Variants in C10orf67 observed in about 807,000 individuals in gnomAD.
C10orf67 encodes chromosome 10 open reading frame 67, also known as uncharacterized protein C10orf67, mitochondrial.
Under a neutral mutation model 35.6 loss-of-function variants are expected in C10orf67, and 60 were observed. That is an observed-to-expected ratio of 1.68 (90% CI 1.37 to 2.09). The LOEUF (loss-of-function observed/expected upper bound fraction) is 2.09. Among genes scored for constraint, C10orf67 ranks in the 30% most tolerant of loss-of-function variants. The pLI, the probability that C10orf67 is intolerant of heterozygous loss-of-function variation, is 0.00. For synonymous variants in C10orf67, 167 were observed against 115.8 expected (o/e 1.44, Z -2.84); for missense variants, 474 against 330.2 (o/e 1.44, Z -3.38).
chr10:23,240,121 G>A (rs972499861), intron 12 of C10orf67, among the ~76,000 whole-genome samples: 3 of 152,042 alleles, frequency 2.0e-5, no homozygotes, highest in African/African-American at 7.3e-5. Flanking sequence ...AGTCTGGGAG[G>A]TCAAGGCTGC....
chr10:23,301,603 C>T (rs1462957336), intron 5 of C10orf67, among the ~76,000 whole-genome samples: 2 of 152,184 alleles, frequency 1.3e-5, no homozygotes, highest in African/African-American at 4.8e-5. Flanking sequence ...AGGCCACTTC[C>T]AAGATGGTGG....
At chr10:23,287,722 C>T (rs911912910) in intron 7 of C10orf67, among the ~76,000 whole-genome samples, 1 of 152,176 alleles carries the variant, frequency 6.6e-6, no homozygotes, top group South Asian at 2.1e-4. Context: ...ATCTACCCAT[C>T]TGACAAAGGT....
chr10:23,236,180 C>T (rs1389184691), intron 13 of C10orf67, among the ~76,000 whole-genome samples: 2 of 140,728 alleles, frequency 1.4e-5, no homozygotes, highest in African/African-American at 2.7e-5. Flanking sequence ...ACCCGGGAGG[C>T]GGAGCTTGCA....
At chr10:23,206,422 A>G (rs892831846) in intron 15 of C10orf67, among the ~76,000 whole-genome samples, 9 of 152,314 alleles carry the variant, frequency 5.9e-5, no homozygotes, top group Non-Finnish European at 1.3e-4. Context: ...GTCCATTTGT[A>G]TGTATATATA....
chr10:23,330,994 G>A (rs1845424683), intron 2 of C10orf67, among the ~76,000 whole-genome samples: 1 of 144,628 alleles, frequency 6.9e-6, no homozygotes, highest in Non-Finnish European at 1.5e-5. Context: ...TGGTAAGGGA[G>A]GGAAGGGGAA....
intron 13 of C10orf67, among the ~76,000 whole-genome samples, chr10:23,236,817 C>T (rs1192351234): frequency 6.6e-6 from 1 of 152,164 alleles, no homozygotes; most frequent in African/African-American, 2.4e-5. Context: ...GTGGAGGTTG[C>T]AGTGAGCCAA....
chr10:23,240,476 T>C (rs1842154008), intron 12 of C10orf67, among the ~76,000 whole-genome samples: 1 of 152,230 alleles, frequency 6.6e-6, no homozygotes, highest in South Asian at 2.1e-4. Context: ...TTGAAAGAGT[T>C]CCTGTTGACT....
chr10:23,257,001 G>A (rs745611743), intron 10 of C10orf67, among the ~76,000 whole-genome samples: 2 of 152,184 alleles, frequency 1.3e-5, no homozygotes, highest in Non-Finnish European at 1.5e-5. Context: ...CAACTGCTGG[G>A]ATGGGCAGCA....
intron 15 of C10orf67, 51 bp downstream of exon 15, chr10:23,223,547 C>T (rs895098073): frequency 1.9e-4 from 133 of 716,080 alleles, no homozygotes; most frequent in Admixed American, 1.2e-4. Flanking sequence ...TTAATCTAGA[C>T]TAAGTAGCCA....
chr10:23,281,940 GT>G, intron 8 of C10orf67, 72 bp downstream of exon 8: 1 of 516,342 alleles, frequency 1.9e-6, no homozygotes, highest in Non-Finnish European at 3.5e-6. Context: ...CACAAATAAA[GT>G]TTATAAAACT....
chr10:23,229,194 T>A (rs374189169), intron 13 of C10orf67, among the ~76,000 whole-genome samples: 3 of 151,938 alleles, frequency 2.0e-5, no homozygotes, highest in African/African-American at 2.4e-5. Context: ...CAAATGTCCA[T>A]CAATGATAGA....
chr10:23,284,906 C>T (rs1843487700), intron 7 of C10orf67, among the ~76,000 whole-genome samples: 2 of 152,192 alleles, frequency 1.3e-5, no homozygotes, highest in East Asian at 1.9e-4. Context: ...TAGACTTCAC[C>T]TGTCTCCAGA....
intron 2 of C10orf67, among the ~76,000 whole-genome samples, chr10:23,329,475 G>T (rs1226657175): frequency 6.6e-6 from 1 of 152,044 alleles, no homozygotes; most frequent in Non-Finnish European, 1.5e-5. Context: ...TGAAGAAATA[G>T]ATATTCCCAA....
At chr10:23,289,802 T>C (rs561010688) in intron 7 of C10orf67, 98 bp downstream of exon 7, 3 of 639,246 alleles carry the variant, frequency 4.7e-6, no homozygotes, top group Non-Finnish European at 8.5e-6. Context: ...TCAACTTTCC[T>C]CTATGTCATA....
intron 6 of C10orf67, 131 bp from the exon 7 acceptor site, chr10:23,290,089 A>T: frequency 1.7e-6 from 1 of 598,340 alleles, no homozygotes. Flanking sequence ...CAGGACTGTG[A>T]CCTTCACAAC....
chr10:23,301,418 C>T (rs540280204), intron 5 of C10orf67, among the ~76,000 whole-genome samples: 15 of 152,288 alleles, frequency 9.8e-5, no homozygotes, highest in Admixed American at 5.9e-4. Context: ...TTTAACTGTC[C>T]GACAGGTGCC....
intron 4 of C10orf67, among the ~76,000 whole-genome samples, chr10:23,306,234 G>A (rs931936880): frequency 6.6e-6 from 1 of 152,050 alleles, no homozygotes; most frequent in African/African-American, 2.4e-5. Context: ...GAGTAGAACG[G>A]TGGTTGACAG....
intron 8 of C10orf67, among the ~76,000 whole-genome samples, chr10:23,281,489 C>T (rs1212187899): frequency 1.3e-5 from 2 of 151,778 alleles, no homozygotes; most frequent in African/African-American, 2.4e-5. Flanking sequence ...AATACGCCAC[C>T]ATAAGCTGGG....
chr10:23,312,193 A>G (rs1475534161), intron 4 of C10orf67, among the ~76,000 whole-genome samples: 2 of 152,218 alleles, frequency 1.3e-5, no homozygotes, highest in Non-Finnish European at 1.5e-5. Context: ...GTACTTCCGT[A>G]AGACAAACTT....
Sources: allele counts gnomAD v4.1 joint callset (sites outside exome capture counted in the v4.1 genomes callset), GRCh38; gene constraint gnomAD v4.1.1; transcripts MANE v1.5; gene names NCBI Gene and HGNC (gene_info 2026-07-23, HGNC 2026-07-21).